Variants in KMT2B observed in about 807,000 individuals in gnomAD.
KMT2B encodes histone-lysine N-methyltransferase 2B.
Under a neutral mutation model 255.3 loss-of-function variants are expected in KMT2B, and 22 were observed. The ratio of observed to expected loss-of-function variants is 0.09; its 90% CI spans 0.06 to 0.12. The LOEUF is 0.12. KMT2B is among the 10% of genes least tolerant of loss of function. The pLI, the probability that KMT2B is intolerant of heterozygous loss-of-function variation, is 1.00. For missense variants in KMT2B, 3,149 were observed against 3,737.0 expected (o/e 0.84, Z 4.10); for synonymous variants, 1,730 against 1,498.1 (o/e 1.15, Z -3.57).
Position 35,721,395 on chromosome 19 carries a change from C to A in KMT2B, c.2048C>A (p.Pro683His). 6.2e-7 allele frequency: 1 copy of A among 1,609,052 alleles called. No homozygotes were observed. Among genetic ancestry groups the A allele is most frequent in the Non-Finnish European group, 8.5e-7 (1 of 1,178,424 alleles). The change falls in exon 3 of 37, where the codon CCT (proline) becomes CAT (histidine). Residue 683 changes from proline to histidine, a missense_variant. Physicochemically the swap from Pro to His is moderately conservative, Grantham distance 77. Around this residue, in one of 18 missense-constraint regions of KMT2B, gnomAD observed 1,188 missense variants for 1,106.4 expected, o/e 1.07. Transcript: ENST00000420124. Reference protein sequence around the residue: ...APEAPEPEPPPADDSPAEPEP... With the variant: ...APEAPEPEPPHADDSPAEPEP... ...GAAGCCCCTGAGCCAGAGCCTCCTCCTGCCGATGACTCTCCAGCTGAGCCT... is the reference window on the plus strand; with the variant it reads ...GAAGCCCCTGAGCCAGAGCCTCCTCATGCCGATGACTCTCCAGCTGAGCCT...
chr19:35,724,896 T>TGGATCAGGGTCG, intron 9 of KMT2B, 93 bp from the exon 10 acceptor site: 1 of 1,165,120 alleles, frequency 8.6e-7, no homozygotes, highest in Non-Finnish European at 1.3e-6. Flanking sequence ...GATCAGGGTC[T>TGGATCAGGGTCG]GGGTCCAGTA....
At chr19:35,730,496 C>T (rs553181167) in intron 24 of KMT2B, 34 bp downstream of exon 24, 4 of 1,613,962 alleles carry the variant, frequency 2.5e-6, no homozygotes, top group South Asian at 1.1e-5. Flanking sequence ...GTCCTCCTAC[C>T]CTGTCCTGCC....
chr19:35,729,567 T>A (rs1803699069), intron 22 of KMT2B, among the ~76,000 whole-genome samples: 1 of 152,076 alleles, frequency 6.6e-6, no homozygotes, highest in African/African-American at 2.4e-5. Context: ...CTGGGTGGCG[T>A]TGAGCTCTCA....
At chr19:35,734,036 G>A (rs1969827609) in intron 30 of KMT2B, among the ~76,000 whole-genome samples, 164 bp downstream of exon 30, 1 of 152,178 alleles carries the variant, frequency 6.6e-6, no homozygotes, top group African/African-American at 2.4e-5. Context: ...CTCTGGCCTT[G>A]TGGGAGAAAC....
At position 35,733,652 on chromosome 19, in the gene KMT2B, C is replaced by G. The variant is rs1468595921; in HGVS notation, c.7015C>G (p.Arg2339Gly). 8.1e-6 allele frequency: 13 copies of G among 1,599,448 alleles called. No homozygotes were observed. The highest frequency in any genetic ancestry group is 1.1e-5 in the Non-Finnish European group (13 of 1,173,462). Residue 2339 changes from arginine to glycine, a missense_variant, in exon 29 of 37, where the codon CGG becomes GGG. Around this residue, in one of 18 missense-constraint regions of KMT2B, gnomAD observed 897 missense variants for 825.3 expected, o/e 1.09. Coordinates refer to ENST00000420124, the MANE Select transcript of KMT2B (RefSeq NM_014727.3). This position sits in a 1 kb window ranked among gnomAD's most constrained non-coding sequence, Gnocchi z 4.3. ...AGTGCGTGGGGTCCTTGACCTGGAT[C>G]GGCCTGGGGAGCCCGCTGGGGAAGA... Reference protein sequence around the residue: ...PTVRGVLDLDRPGEPAGEESP... With the variant: ...PTVRGVLDLDGPGEPAGEESP...
rs1258088207 is a variant in KMT2B, at chr19:35,718,256, C to T, written c.238C>T (p.Leu80Phe). ...GGGGCTCCGCCGGGGCCTGCGCCGG[C>T]TCCGCCGCCTGTGGGCCGGCCCGCG... The part of the protein sequence containing the change: ...LLGLRRGLRR[L>F]RRLWAGPRVQ... The change falls in exon 1 of 37, where the codon CTC (leucine) becomes TTC (phenylalanine). Residue 80 changes from leucine (L) to phenylalanine (F), a missense_variant. Leu to Phe is a conservative substitution (Grantham distance 22, BLOSUM62 0). Coordinates refer to ENST00000420124, the MANE Select transcript of KMT2B (RefSeq NM_014727.3). This position sits in a 1 kb window ranked among gnomAD's most constrained non-coding sequence, Gnocchi z 5.0. The T allele has an allele frequency of 4.1e-5, 50 of 1,206,430 alleles. No individual in the cohort carries two copies. In the East Asian group the frequency reaches 5.0e-4, roughly 12 times the overall value. The allele number at this position is 1,206,430 out of a possible 1,614,324, so 74.7% of individuals were successfully genotyped here.
Position 35,733,030 on chromosome 19 carries a change from C to G in KMT2B, c.6481C>G (p.Arg2161Gly), listed in dbSNP as rs779123379. The change falls in exon 28 of 37, where the codon CGC becomes GGC. Residue 2161 changes from arginine (R) to glycine (G), a missense_variant. Transcript: ENST00000420124. The surrounding 1 kb of genome is among the most constrained non-coding windows in gnomAD (Gnocchi z 4.3). ...GLTASPADPT[R>G]TFAWLPGAPG... ...GACCGCCAGCCCAGCTGACCCCACC[C>G]GCACATTTGCCTGGCTCCCAGGGGC... is the stretch of plus-strand genomic sequence containing the variant. 1 of 1,591,054 alleles carries G rather than the reference C, an allele frequency of 6.3e-7. No individual in the cohort carries two copies. Among genetic ancestry groups the G allele is most frequent in the East Asian group, 2.3e-5 (1 of 43,692 alleles).
At position 35,721,207 on chromosome 19, in the gene KMT2B, T is replaced by TCC; in HGVS notation, c.1861_1862dup (p.Pro622LeufsTer39). The TCC allele has an allele frequency of 2.0e-6, 2 of 986,242 alleles. No individual in the cohort carries two copies. Among genetic ancestry groups the TCC allele is most frequent in the South Asian group, 1.9e-5 (1 of 53,220 alleles). The allele number at this position is 986,242 out of a possible 1,614,324, so 61.1% of individuals were successfully genotyped here. ...CCTCACTGACCCGGGAGCTGCCCCC[T>TCC]CCTCCCCCAGCCCCTCCACCTCCCC... On this transcript the variant is annotated frameshift_variant, in exon 3 of 37. Transcript: ENST00000420124. LOFTEE classifies it high-confidence loss of function.
At chr19:35,726,092 C>A (rs1211800882) in intron 13 of KMT2B, 144 bp from the exon 14 acceptor site, 3 of 685,382 alleles carry the variant, frequency 4.4e-6, no homozygotes, top group Non-Finnish European at 8.0e-6. Flanking sequence ...GTTCCTCCTC[C>A]GTGTCTGTCC....
Position 35,721,658 on chromosome 19 carries a change from C to G in KMT2B, c.2311C>G (p.Pro771Ala), listed in dbSNP as rs531978572. ...QPPPSPQQMP[P>A]LEKARIAGVG... ...ACCGCCGTCACCACAGCAGATGCCT[C>G]CCCTGGAAAAAGCCCGGATTGCGGG... The change falls in exon 3 of 37, where the codon CCC becomes GCC. Residue 771 changes from proline (P) to alanine (A), a missense_variant. Pro to Ala is a conservative substitution (Grantham distance 27). Coordinates refer to ENST00000420124, the MANE Select transcript of KMT2B (RefSeq NM_014727.3). 1.2e-6 allele frequency: 2 copies of G among 1,613,312 alleles called. No homozygotes were observed. The highest frequency in any genetic ancestry group is 1.7e-6 in the Non-Finnish European group (2 of 1,179,616).
Position 35,725,939 on chromosome 19 carries a change from T to A in KMT2B, c.3885+121T>A. On this transcript the variant is annotated intron_variant, in intron 13 of 36. Transcript: ENST00000420124. The surrounding 1 kb of genome is among the most constrained non-coding windows in gnomAD (Gnocchi z 4.1). ...GTTGGGGATCCTCTTAAGAATTGAT[T>A]AGTAATGTTTCCTCTTCAAAAATTT... is the stretch of plus-strand genomic sequence containing the variant. The A allele has an allele frequency of 1.2e-6, 1 of 821,722 alleles. No individual in the cohort carries two copies. Among genetic ancestry groups the A allele is most frequent in the Non-Finnish European group, 2.0e-6 (1 of 507,240 alleles). 50.9% of individuals were successfully genotyped at this position (821,722 alleles called of 1,614,324 possible).
In KMT2B at chr19:35,720,309, T is replaced by C; in HGVS notation, c.962T>C (p.Leu321Ser). The change falls in exon 3 of 37, where the codon TTG becomes TCG. Residue 321 changes from leucine to serine, a missense_variant. Physicochemically the swap from Leu to Ser is moderately radical, Grantham distance 145 (BLOSUM62 -2). Around this residue, in one of 18 missense-constraint regions of KMT2B, gnomAD observed 1,188 missense variants for 1,106.4 expected, o/e 1.07. Transcript: ENST00000420124. ...AKKVKMGQLS[L>S]GLESGQGQGQ... ...AAAGTAAAGATGGGACAATTGTCCT[T>C]GGGACTCGAATCAGGTCAAGGTCAA... 6.2e-7 allele frequency: 1 copy of C among 1,613,230 alleles called. No homozygotes were observed. Among genetic ancestry groups the C allele is most frequent in the Non-Finnish European group, 8.5e-7 (1 of 1,179,668 alleles).
intron 22 of KMT2B, 92 bp from the exon 23 acceptor site, chr19:35,729,875 C>T: frequency 7.6e-7 from 1 of 1,321,346 alleles, no homozygotes; most frequent in Non-Finnish European, 1.0e-6. Context: ...CCGTGCCAGG[C>T]TAGACAGGGA....
rs1048204827 is a variant in KMT2B, at chr19:35,723,508, G to A, written c.3058+6G>A. The A allele has an allele frequency of 3.2e-6, 5 of 1,560,600 alleles. No homozygotes were observed. Among genetic ancestry groups the A allele is most frequent in the South Asian group, 2.4e-5 (2 of 84,522 alleles). The stretch of plus-strand genomic sequence containing the variant: ...GGAACGACTGGCTAAAAAAGGTGAC[G>A]AGCTTTAAGGAGCATTTCTTCTCAA... On this transcript the variant is annotated splice_donor_region_variant and intron_variant, in intron 7 of 36. Transcript: ENST00000420124. The surrounding 1 kb of genome is among the most constrained non-coding windows in gnomAD (Gnocchi z 7.5).
In KMT2B at chr19:35,729,057, A is replaced by T. The variant is rs1311032384; in HGVS notation, c.4760A>T (p.Tyr1587Phe). The change falls in exon 21 of 37, where the codon TAC (tyrosine) becomes TTC (phenylalanine). Residue 1587 changes from tyrosine (Y) to phenylalanine (F), a missense_variant. By Grantham distance (22) the Tyr-to-Phe change is conservative. Transcript: ENST00000420124. ...DPRQCALCLK[Y>F]GDADSKEAGR... ...CGTCAGTGTGCACTCTGCCTCAAAT[A>T]CGGGGATGCAGACTCCAAGGTGAGG... 1 of 1,613,860 alleles carries T rather than the reference A, an allele frequency of 6.2e-7. No individual in the cohort carries two copies. The highest frequency in any genetic ancestry group is 2.2e-5 in the East Asian group (1 of 44,874).
At chr19:35,722,753 G>A (rs1969272925) in intron 5 of KMT2B, 35 bp downstream of exon 5, 1 of 1,550,622 alleles carries the variant, frequency 6.4e-7, no homozygotes, top group Non-Finnish European at 8.7e-7. Flanking sequence ...TGTCAGGTTT[G>A]GGGATGACCC....
rs1568367522 is a variant in KMT2B, at chr19:35,720,085, A to C, written c.738A>C (p.Thr246=). 1 of 1,605,036 alleles carries C rather than the reference A, an allele frequency of 6.2e-7. No individual in the cohort carries two copies. Among genetic ancestry groups the C allele is most frequent in the Admixed American group, 1.7e-5 (1 of 58,334 alleles). The part of the protein sequence containing the change: ...QAVVVAEAAV[T]IPKPEPPPPV... Reference sequence around the variant, plus strand: ...TAGTGGTGGCAGAAGCAGCTGTGACAATCCCCAAACCTGAGCCCCCACCTC... The same window carrying C: ...TAGTGGTGGCAGAAGCAGCTGTGACCATCCCCAAACCTGAGCCCCCACCTC... The change falls in exon 3 of 37, where the codon ACA becomes ACC. Residue 246 remains threonine (T), a synonymous_variant. Coordinates refer to ENST00000420124, the MANE Select transcript of KMT2B (RefSeq NM_014727.3).
In KMT2B at chr19:35,732,418, G is replaced by A; in HGVS notation, c.5869G>A (p.Glu1957Lys). 1.9e-6 allele frequency: 3 copies of A among 1,613,588 alleles called. No homozygotes were observed. The highest frequency in any genetic ancestry group is 2.5e-6 in the Non-Finnish European group (3 of 1,179,700). ...CACAGCCCTCACACCTACCTCAGGG[G>A]AGCTGGCTCCCCCTGGCCCGGCCCC... ...VVTALTPTSG[E>K]LAPPGPAPSP... The change falls in exon 28 of 37, where the codon GAG becomes AAG. Residue 1957 changes from glutamate (E) to lysine (K), a missense_variant. Around this residue, in one of 18 missense-constraint regions of KMT2B, gnomAD observed 897 missense variants for 825.3 expected, o/e 1.09. Transcript: ENST00000420124.
In KMT2B at chr19:35,730,798, G is replaced by A; in HGVS notation, c.5368G>A (p.Glu1790Lys). The change falls in exon 26 of 37, where the codon GAA (glutamate) becomes AAA (lysine). Residue 1790 changes from glutamate (E) to lysine (K), a missense_variant. By Grantham distance (56) the Glu-to-Lys change is moderately conservative (BLOSUM62 1). Around this residue, in one of 18 missense-constraint regions of KMT2B, gnomAD observed 34 missense variants for 51.6 expected, o/e 0.66. Coordinates refer to ENST00000420124, the MANE Select transcript of KMT2B (RefSeq NM_014727.3). ...ILEYRPWGPREEPAHLEAAEE... is the reference protein window; with the variant it reads ...ILEYRPWGPRKEPAHLEAAEE... ...GGAGTATCGGCCATGGGGGCCGAGG[G>A]AAGAGCCAGCTCACCTGGAGGCTGC... 1 of 1,613,736 alleles carries A rather than the reference G, an allele frequency of 6.2e-7. No homozygotes were observed.
Sources: gnomAD v4.1 joint callset for allele counts (sites outside exome capture counted in the v4.1 genomes callset) on GRCh38, gnomAD v4.1.1 for gene constraint, gnomAD v4.1.1 regional missense constraint, Gnocchi (gnomAD v3.1) non-coding constraint, MANE v1.5 for transcripts, NCBI Gene and HGNC (gene_info 2026-07-23, HGNC 2026-07-21) for gene names.